ARHGAP26: variants seen among roughly 807,000 people sequenced by gnomAD.
ARHGAP26 encodes rho GTPase-activating protein 26.
A neutral mutation model predicts 104.8 loss-of-function variants in ARHGAP26; 38 were observed. The observed-to-expected ratio is 0.36, with a 90% confidence interval of 0.28 to 0.48. The LOEUF is 0.48. Among genes scored for constraint, ARHGAP26 ranks in the 20% least tolerant of loss-of-function variants. The probability of loss-of-function intolerance (pLI) is 0.99; values close to 1 mark genes in which losing one functional copy is unlikely to be tolerated. For missense variants in ARHGAP26, 704 were observed against 947.9 expected (o/e 0.74, Z 3.38); for synonymous variants, 341 against 340.0 (o/e 1.00, Z -0.03).
intron 17 of ARHGAP26, among the ~76,000 whole-genome samples, chr5:143,076,785 A>G (rs1789097052): frequency 6.6e-6 from 1 of 152,188 alleles, no homozygotes; most frequent in Non-Finnish European, 1.5e-5. Flanking sequence ...TGGGGTTTTC[A>G]TTCAATTTTA....
chr5:143,141,615 T>TAAAA, intron 19 of ARHGAP26, among the ~76,000 whole-genome samples: 1 of 152,340 alleles, frequency 6.6e-6, no homozygotes, highest in Middle Eastern at 3.4e-3. Flanking sequence ...AGTCATGGTA[T>TAAAA]AAAAGTAGGT....
At chr5:143,120,863 G>T in intron 17 of ARHGAP26, 125 bp from the exon 18 acceptor site, 1 of 878,438 alleles carries the variant, frequency 1.1e-6, no homozygotes. Context: ...ATCTGACGAT[G>T]ACCCAAGTTC....
At chr5:143,050,195 C>A (rs1784805676) in intron 14 of ARHGAP26, among the ~76,000 whole-genome samples, 1 of 152,200 alleles carries the variant, frequency 6.6e-6, no homozygotes, top group Non-Finnish European at 1.5e-5. Context: ...TAGTGGATAT[C>A]CTGGTGGCAG....
intron 18 of ARHGAP26, among the ~76,000 whole-genome samples, chr5:143,132,074 C>T (rs922021102): frequency 6.6e-6 from 1 of 152,022 alleles, no homozygotes; most frequent in African/African-American, 2.4e-5. Context: ...CAGTTGAACT[C>T]AGCTACGTGT....
chr5:143,063,557 CATG>C (rs1355212006), intron 17 of ARHGAP26, among the ~76,000 whole-genome samples: 1 of 152,260 alleles, frequency 6.6e-6, no homozygotes, highest in African/African-American at 2.4e-5. Context: ...GTCTGTTTCT[CATG>C]ATCACCATCC....
At chr5:142,850,740 A>G (rs948761911) in intron 1 of ARHGAP26, among the ~76,000 whole-genome samples, 1 of 152,198 alleles carries the variant, frequency 6.6e-6, no homozygotes, top group African/African-American at 2.4e-5. Flanking sequence ...TTAGGCTGCT[A>G]ACTTCTTCAG....
chr5:142,787,560 C>T (rs1758919098), intron 1 of ARHGAP26, among the ~76,000 whole-genome samples: 2 of 152,146 alleles, frequency 1.3e-5, no homozygotes. Flanking sequence ...GACAGCCAAG[C>T]CCACAGCTGA....
chr5:142,798,126 C>A (rs899352781), intron 1 of ARHGAP26, among the ~76,000 whole-genome samples: 1 of 152,208 alleles, frequency 6.6e-6, no homozygotes, highest in South Asian at 2.1e-4. Context: ...AAATGAAAAT[C>A]TGATCACATA....
intron 1 of ARHGAP26, among the ~76,000 whole-genome samples, chr5:142,850,549 G>C (rs557612436): frequency 6.6e-6 from 1 of 152,302 alleles, no homozygotes; most frequent in South Asian, 2.1e-4. Context: ...AACTTTCGAA[G>C]TTATTAGCTA....
intron 20 of ARHGAP26, among the ~76,000 whole-genome samples, chr5:143,185,890 T>TG (rs1199472968): frequency 6.6e-6 from 1 of 152,180 alleles, no homozygotes; most frequent in African/African-American, 2.4e-5. Flanking sequence ...CACTTGACCT[T>TG]GCATCCCCGG....
At chr5:143,175,734 G>T (rs1316075836) in intron 20 of ARHGAP26, among the ~76,000 whole-genome samples, 1 of 152,108 alleles carries the variant, frequency 6.6e-6, no homozygotes, top group East Asian at 1.9e-4. Context: ...TCTTATTTAG[G>T]TTTGAGAGAG....
chr5:143,010,925 G>A (rs970416781), intron 11 of ARHGAP26: 7 of 152,180 alleles, frequency 4.6e-5, no homozygotes, highest in Non-Finnish European at 1.0e-4. Flanking sequence ...AAAAATACTT[G>A]CCAAAGTGTG....
chr5:143,112,727 T>C (rs1222928389), intron 17 of ARHGAP26, among the ~76,000 whole-genome samples: 4 of 152,244 alleles, frequency 2.6e-5, no homozygotes, highest in African/African-American at 9.6e-5. Context: ...TGTCTGTGAC[T>C]GGCTTATGTC....
At chr5:143,127,015 G>A (rs1438999207) in intron 18 of ARHGAP26, among the ~76,000 whole-genome samples, 3 of 152,124 alleles carry the variant, frequency 2.0e-5, no homozygotes, top group African/African-American at 7.2e-5. Flanking sequence ...ATGCTGTCAT[G>A]GTCCAAGATC....
At chr5:143,000,471 A>C (rs1469530823) in intron 11 of ARHGAP26, among the ~76,000 whole-genome samples, 1 of 152,270 alleles carries the variant, frequency 6.6e-6, no homozygotes, top group Non-Finnish European at 1.5e-5. Flanking sequence ...TTCACACCAC[A>C]ACATGGATGA....
intron 6 of ARHGAP26, among the ~76,000 whole-genome samples, chr5:142,895,417 A>C (rs1759325498): frequency 6.6e-6 from 1 of 152,044 alleles, no homozygotes; most frequent in African/African-American, 2.4e-5. Flanking sequence ...TTTTTAGTAG[A>C]GACGGGGTTT....
chr5:142,897,016 T>G (rs887283756), intron 6 of ARHGAP26, among the ~76,000 whole-genome samples: 2 of 152,188 alleles, frequency 1.3e-5, no homozygotes, highest in Non-Finnish European at 2.9e-5. Flanking sequence ...ATAAACAGTT[T>G]TGGTAGCTTT....
chr5:143,191,845 G>A (rs1026742303), intron 20 of ARHGAP26, among the ~76,000 whole-genome samples: 2 of 152,126 alleles, frequency 1.3e-5, no homozygotes, highest in African/African-American at 2.4e-5. Flanking sequence ...CCCTTCCATC[G>A]TATTTGTCAG....
At chr5:143,135,993 G>C (rs1405042689) in intron 19 of ARHGAP26, among the ~76,000 whole-genome samples, 1 of 152,182 alleles carries the variant, frequency 6.6e-6, no homozygotes, top group African/African-American at 2.4e-5. Flanking sequence ...CAGGCTATGG[G>C]GTAATGTGCT....
Sources: gnomAD v4.1 joint callset for allele counts (sites outside exome capture counted in the v4.1 genomes callset) on GRCh38, gnomAD v4.1.1 for gene constraint, MANE v1.5 for transcripts, NCBI Gene and HGNC (gene_info 2026-07-23, HGNC 2026-07-21) for gene names.